The following PDE10A variants were observed in gnomAD, a reference collection of about 807,000 sequenced individuals.
PDE10A encodes cAMP and cAMP-inhibited cGMP 3',5'-cyclic phosphodiesterase 10A.
A neutral mutation model predicts 97.7 loss-of-function variants in PDE10A; 39 were observed. The ratio of observed to expected loss-of-function variants is 0.40; its 90% CI spans 0.31 to 0.52. The LOEUF is 0.52. Among genes scored for constraint, PDE10A ranks in the 20% least tolerant of loss-of-function variants. The pLI is 0.56. For synonymous variants in PDE10A, 371 were observed against 376.8 expected (o/e 0.98, Z 0.18); for missense variants, 731 against 1,047.8 (o/e 0.70, Z 4.17).
chr6:165,840,415 C>A (rs1246962484), intron 1 of PDE10A, among the ~76,000 whole-genome samples: 1 of 152,156 alleles, frequency 6.6e-6, no homozygotes, highest in Non-Finnish European at 1.5e-5. Flanking sequence ...AGAGCTGATC[C>A]ATTTTTCCCT....
chr6:165,913,462 C>T (rs1782519808), intron 1 of PDE10A, among the ~76,000 whole-genome samples: 1 of 152,190 alleles, frequency 6.6e-6, no homozygotes, highest in African/African-American at 2.4e-5. Flanking sequence ...AGATTACTTA[C>T]AATATCTAAC....
intron 1 of PDE10A, among the ~76,000 whole-genome samples, chr6:165,934,846 T>A (rs1386383662): frequency 6.6e-6 from 1 of 152,246 alleles, no homozygotes; most frequent in East Asian, 1.9e-4. Flanking sequence ...AACATTTTCA[T>A]ACACATTGTC....
chr6:165,377,816 A>G (rs1462565053), intron 18 of PDE10A, among the ~76,000 whole-genome samples: 1 of 152,210 alleles, frequency 6.6e-6, no homozygotes, highest in African/African-American at 2.4e-5. Context: ...TAAAGACTGT[A>G]GACCACACTT....
At chr6:165,774,065 C>T (rs555719151) in intron 1 of PDE10A, among the ~76,000 whole-genome samples, 15 of 152,232 alleles carry the variant, frequency 9.9e-5, no homozygotes, top group Non-Finnish European at 2.1e-4. Flanking sequence ...TGACACTAGC[C>T]TCTTTAAGAA....
At chr6:165,344,390 A>G (rs1186135666) in intron 18 of PDE10A, among the ~76,000 whole-genome samples, 2 of 152,236 alleles carry the variant, frequency 1.3e-5, no homozygotes, top group Non-Finnish European at 2.9e-5. Context: ...TTAAAAGACA[A>G]ATTATCAACA....
At chr6:165,889,721 G>A (rs777273778) in intron 1 of PDE10A, among the ~76,000 whole-genome samples, 14 of 151,942 alleles carry the variant, frequency 9.2e-5, no homozygotes, top group Admixed American at 2.0e-4. Flanking sequence ...GACTCTACTC[G>A]GAAACTATGG....
chr6:165,668,718 A>G (rs1241562303), intron 1 of PDE10A, among the ~76,000 whole-genome samples: 1 of 150,290 alleles, frequency 6.7e-6, no homozygotes, highest in Non-Finnish European at 1.5e-5. Context: ...AAAAGAAAGA[A>G]AGAGAGAGAG....
chr6:165,526,947 T>A lies in PDE10A; in HGVS notation c.994+16493A>T, dbSNP rs1191118529. ...GATCACTTCTTGCTTCTGCAAGGTA[T>A]CACACTGGTCCACTACACTGATGAC... is the stretch of plus-strand genomic sequence containing the variant. On this transcript the variant is annotated intron_variant, in intron 2 of 21. Coordinates refer to ENST00000539869, the MANE Select transcript of PDE10A (RefSeq NM_001385079.1). Among the ~76,000 whole-genome samples the A allele has an allele frequency of 2.0e-5, 3 of 152,316 alleles. 1 individual carries two copies. The South Asian group carries it at 6.2e-4, about 32-fold the overall frequency.
At chr6:165,987,491 C>G (rs1441339789) in intron 1 of PDE10A, 1 of 353,082 alleles carries the variant, frequency 2.8e-6, no homozygotes, top group African/African-American at 2.1e-5. Flanking sequence ...TCTGGACTCT[C>G]AAGGGTTAAA....
intron 2 of PDE10A, among the ~76,000 whole-genome samples, chr6:165,507,323 T>C (rs1360464454): frequency 1.3e-5 from 2 of 152,074 alleles, no homozygotes; most frequent in Non-Finnish European, 2.9e-5. Context: ...AGTAGCCCAG[T>C]ACAAGGAGGA....
intron 1 of PDE10A, among the ~76,000 whole-genome samples, chr6:165,725,491 C>T (rs566449658): frequency 9.2e-5 from 14 of 152,288 alleles, no homozygotes; most frequent in Non-Finnish European, 1.6e-4. Flanking sequence ...AAGCCACAAC[C>T]CCATCATACA....
intron 1 of PDE10A, among the ~76,000 whole-genome samples, chr6:165,731,108 C>T (rs1792424185): frequency 6.6e-6 from 1 of 152,212 alleles, no homozygotes; most frequent in African/African-American, 2.4e-5. Context: ...TGCCGCGCCG[C>T]GGAACCCTGC....
intron 1 of PDE10A, among the ~76,000 whole-genome samples, chr6:165,886,332 G>T (rs537074335): frequency 2.0e-5 from 3 of 150,240 alleles, no homozygotes; most frequent in Middle Eastern, 3.4e-3. Flanking sequence ...TGGAGCCCTG[G>T]AGCCCCAGAG....
intron 1 of PDE10A, among the ~76,000 whole-genome samples, chr6:165,821,654 T>C (rs543293632): frequency 6.6e-6 from 1 of 152,202 alleles, no homozygotes; most frequent in Admixed American, 6.5e-5. Context: ...GAGTAGCTGG[T>C]ATTACAGGCG....
intron 1 of PDE10A, among the ~76,000 whole-genome samples, chr6:165,634,749 GAA>G (rs998257251): frequency 1.1e-4 from 16 of 152,266 alleles, no homozygotes; most frequent in Middle Eastern, 3.4e-3. Context: ...CCCACAGAAA[GAA>G]AGTAACCACT....
intron 1 of PDE10A, among the ~76,000 whole-genome samples, chr6:165,578,177 G>A (rs1217640153): frequency 6.6e-6 from 1 of 152,176 alleles, no homozygotes; most frequent in Non-Finnish European, 1.5e-5. Context: ...TCAGCCTAAG[G>A]GAAGCCCAGC....
Position 165,836,364 on chromosome 6 carries a change from G to A in PDE10A, c.-615+151165C>T, listed in dbSNP as rs150587848. Among the ~76,000 whole-genome samples the A allele has an allele frequency of 2.6e-4, 40 of 152,308 alleles. 1 individual carries two copies. The East Asian group carries it at 5.4e-3, about 21-fold the overall frequency. On this transcript the variant is annotated intron_variant, in intron 1 of 19. Transcript: ENST00000366882. ...ATGTTCGTTTTGAAAAGTTCTGACC[G>A]GCGCACGTCGGCACAGCCCCTCTTA...
chr6:165,545,344 A>G, intron 1 of PDE10A: 1 of 342,504 alleles, frequency 2.9e-6, no homozygotes, highest in Non-Finnish European at 5.6e-6. Flanking sequence ...TATATGAGTT[A>G]TCTCCTTCTC....
In PDE10A at chr6:165,939,710, C is replaced by G. The variant is rs531495789; in HGVS notation, c.-615+47819G>C. ...GTGGATTCCATTGTCCTCAGAAAAC[C>G]CGTCAGAAGGAGGAGCAGGTAGGGA... On this transcript the variant is annotated intron_variant, in intron 1 of 19. Transcript: ENST00000366882. 1.1e-4 allele frequency: 16 copies of G among 152,276 alleles called. No individual in the cohort carries two copies. The East Asian group carries it at 3.1e-3, about 29-fold the overall frequency. 9.4% of individuals were successfully genotyped at this position (152,276 alleles called of 1,614,324 possible).
Sources: allele counts gnomAD v4.1 joint callset (sites outside exome capture counted in the v4.1 genomes callset), GRCh38; gene constraint gnomAD v4.1.1; transcripts MANE v1.5; gene names NCBI Gene and HGNC (gene_info 2026-07-23, HGNC 2026-07-21).